Variants in HTATIP2 observed in about 807,000 individuals in gnomAD.
HTATIP2 encodes the protein protein HTATIP2.
A neutral mutation model predicts 24.7 loss-of-function variants in HTATIP2; 26 were observed. That is an observed-to-expected ratio of 1.05 (90% CI 0.77 to 1.46). The LOEUF (loss-of-function observed/expected upper bound fraction) is 1.46, where lower values mean the gene tolerates loss of function less well. Among genes scored for constraint, HTATIP2 ranks in the 40% most tolerant of loss-of-function variants. The pLI, the probability that HTATIP2 is intolerant of heterozygous loss-of-function variation, is 0.00. For synonymous variants in HTATIP2, 99 were observed against 113.2 expected (o/e 0.87, Z 0.79); for missense variants, 284 against 289.6 (o/e 0.98, Z 0.14).
intron 3 of HTATIP2, among the ~76,000 whole-genome samples, chr11:20,380,740 C>T (rs1328960922): frequency 6.0e-5 from 9 of 149,756 alleles, no homozygotes; most frequent in Non-Finnish European, 8.9e-5. Context: ...CTGTTCATAG[C>T]AGCATTATTT....
chr11:20,373,065 G>A (rs182816686), intron 2 of HTATIP2, among the ~76,000 whole-genome samples: 9 of 152,282 alleles, frequency 5.9e-5, no homozygotes, highest in Admixed American at 2.6e-4. Flanking sequence ...TTGTGAAATC[G>A]TTTTGGATTA....
Position 20,364,228 on chromosome 11 carries a change from T to C in HTATIP2, c.-10T>C, listed in dbSNP as rs1232921576. 1 of 1,589,284 alleles carries C rather than the reference T, an allele frequency of 6.3e-7. No homozygotes were observed. Among genetic ancestry groups the C allele is most frequent in the South Asian group, 1.1e-5 (1 of 88,970 alleles). On this transcript the variant is annotated 5_prime_UTR_variant, in exon 1 of 5. Transcript: ENST00000451739. ...CTAAGACCGGCATCTGTCGATGTTA[T>C]TTCCCCAGCATGGCCGAAACAGAAG...
At chr11:20,372,914 T>G (rs2064786680) in intron 2 of HTATIP2, among the ~76,000 whole-genome samples, 6 of 152,160 alleles carry the variant, frequency 3.9e-5, no homozygotes, top group Admixed American at 3.9e-4. Flanking sequence ...TTTTTAAGTC[T>G]TTGAAAGCTG....
At chr11:20,381,545 G>C (rs1243207113) in intron 3 of HTATIP2, among the ~76,000 whole-genome samples, 1 of 152,116 alleles carries the variant, frequency 6.6e-6, no homozygotes, top group African/African-American at 2.4e-5. Flanking sequence ...GACAGGTTAA[G>C]TGCCAATTGA....
chr11:20,381,340 C>T (rs2055246), intron 3 of HTATIP2, among the ~76,000 whole-genome samples: 134,766 of 151,788 alleles, frequency 0.89, 60,569 homozygotes, highest in Middle Eastern at 0.97. Context: ...CTTGGGAGGC[C>T]GAGGCAGGAG....
chr11:20,363,936 G>A lies in HTATIP2; in HGVS notation c.-302G>A, dbSNP rs1259172724. ...AGGTAACCCCTCCGCGTATGGGACC[G>A]AGCTGGGCCAGGTCTCCTGGCCGGG... On this transcript the variant is annotated 5_prime_UTR_variant, in exon 1 of 5. Transcript: ENST00000451739. 8.0e-7 allele frequency: 1 copy of A among 1,243,552 alleles called. No individual in the cohort carries two copies. Among genetic ancestry groups the A allele is most frequent in the Admixed American group, 4.2e-5 (1 of 23,836 alleles). The allele number at this position is 1,243,552 out of a possible 1,614,324, so 77.0% of individuals were successfully genotyped here.
At chr11:20,379,063 C>CA (rs1848484044) in intron 3 of HTATIP2, among the ~76,000 whole-genome samples, 1 of 94,112 alleles carries the variant, frequency 1.1e-5, no homozygotes, top group African/African-American at 4.5e-5. Context: ...AAACAAACAA[C>CA]AACAACAACA....
chr11:20,368,607 G>T (rs1293010170), intron 2 of HTATIP2, among the ~76,000 whole-genome samples: 1 of 152,200 alleles, frequency 6.6e-6, no homozygotes, highest in East Asian at 1.9e-4. Context: ...CAAAAGCATT[G>T]AAAAACTTTT....
rs1236442575 is a variant in HTATIP2, at chr11:20,376,717, G to A, written c.441G>A (p.Lys147=). The change falls in exon 3 of 5, where the codon AAG becomes AAA. Residue 147 remains lysine (K), a splice_region_variant and synonymous_variant. Coordinates refer to ENST00000451739, the MANE Select transcript of HTATIP2 (RefSeq NM_001098522.2). ...GCAATTTTTTATATCTACAAGTTAA[G>A]GTTTGTGCAAGTTTCTGTTTTTCAT... ...KSSNFLYLQV[K]GEVEAKVEEL... 2 of 1,601,962 alleles carry A rather than the reference G, an allele frequency of 1.2e-6. No individual in the cohort carries two copies. The highest frequency in any genetic ancestry group is 1.7e-6 in the Non-Finnish European group (2 of 1,176,448).
chr11:20,367,677 T>C (rs2064725893), intron 2 of HTATIP2: 4 of 1,145,402 alleles, frequency 3.5e-6, no homozygotes. Flanking sequence ...ACTTGAGTGA[T>C]TTGCTTCAAC....
intron 3 of HTATIP2, among the ~76,000 whole-genome samples, chr11:20,381,592 C>T (rs1457323436): frequency 2.6e-5 from 4 of 152,034 alleles, no homozygotes; most frequent in Admixed American, 6.5e-5. Context: ...CGTGCATGAC[C>T]GTGTGGTAGT....
chr11:20,383,065 A>AG lies in HTATIP2; in HGVS notation c.590dup (p.Ser197ArgfsTer12), dbSNP rs774484044. ...TGGCTCCTTACCAGACTCTTGGGCC[A>AG]GTGGGCATTCTGTGCCTGTGGTGAC... is the stretch of plus-strand genomic sequence containing the variant. On this transcript the variant is annotated frameshift_variant, in exon 5 of 5. Transcript: ENST00000451739. LOFTEE classifies it high-confidence loss of function. The AG allele has an allele frequency of 6.2e-7, 1 of 1,613,574 alleles. No individual in the cohort carries two copies. The highest frequency in any genetic ancestry group is 1.1e-5 in the South Asian group (1 of 91,070).
intron 3 of HTATIP2, among the ~76,000 whole-genome samples, chr11:20,381,688 T>C (rs1287844313): frequency 2.0e-5 from 3 of 152,102 alleles, no homozygotes; most frequent in Non-Finnish European, 4.4e-5. Context: ...CATGCTTTAT[T>C]TAACAAATTA....
At chr11:20,365,407 C>T (rs371224708) in intron 1 of HTATIP2, among the ~76,000 whole-genome samples, 43 of 152,202 alleles carry the variant, frequency 2.8e-4, no homozygotes, top group African/African-American at 9.4e-4. Context: ...AGGGAATTAT[C>T]TGTGAACTGC....
intron 2 of HTATIP2, chr11:20,367,543 G>T: frequency 7.0e-7 from 1 of 1,426,522 alleles, no homozygotes; most frequent in Non-Finnish European, 9.1e-7. Context: ...TGTGATTATC[G>T]CTATCACTAC....
chr11:20,376,794 A>G (rs1848454097), intron 3 of HTATIP2, 77 bp downstream of exon 3: 2 of 1,123,868 alleles, frequency 1.8e-6, no homozygotes, highest in South Asian at 3.5e-5. Context: ...ATAAAATATT[A>G]TATAATACAA....
intron 4 of HTATIP2, 141 bp downstream of exon 4, chr11:20,382,380 G>A: frequency 1.7e-6 from 1 of 594,422 alleles, no homozygotes; most frequent in South Asian, 2.2e-5. Flanking sequence ...TTCTCTGAAG[G>A]ACACACCTTT....
chr11:20,369,862 A>G (rs866707480), intron 2 of HTATIP2, among the ~76,000 whole-genome samples: 2 of 152,348 alleles, frequency 1.3e-5, no homozygotes, highest in Middle Eastern at 6.8e-3. Flanking sequence ...CACAAAATTC[A>G]GTCTACTCAG....
chr11:20,365,198 A>G (rs1215925324), intron 1 of HTATIP2, among the ~76,000 whole-genome samples: 1 of 152,132 alleles, frequency 6.6e-6, no homozygotes, highest in South Asian at 2.1e-4. Context: ...CATGTTGGCC[A>G]GGCTGGTCTC....
Sources: gnomAD v4.1 joint callset for allele counts (sites outside exome capture counted in the v4.1 genomes callset) on GRCh38, gnomAD v4.1.1 for gene constraint, MANE v1.5 for transcripts, NCBI Gene and HGNC (gene_info 2026-07-23, HGNC 2026-07-21) for gene names.